ALDH1L1: variants seen among roughly 807,000 people sequenced by gnomAD.
ALDH1L1 encodes the protein aldehyde dehydrogenase 1 family member L1, also known as cytosolic 10-formyltetrahydrofolate dehydrogenase.
A neutral mutation model predicts 101.1 loss-of-function variants in ALDH1L1; 68 were observed. That is an observed-to-expected ratio of 0.67 (90% CI 0.55 to 0.82). The LOEUF is 0.82. Ranked by LOEUF, ALDH1L1 falls within the 40% of genes least tolerant of loss-of-function variation. The probability of loss-of-function intolerance (pLI) is 0.00; values close to 1 mark genes in which losing one functional copy is unlikely to be tolerated. For synonymous variants in ALDH1L1, 486 were observed against 470.8 expected, an observed-to-expected ratio of 1.03 and a Z score of -0.42; for missense variants, 1,087 against 1,172.7, an observed-to-expected ratio of 0.93 and a Z score of 1.07.
At chr3:126,119,357 G>A (rs527907282) in intron 16 of ALDH1L1, among the ~76,000 whole-genome samples, 3 of 152,246 alleles carry the variant, frequency 2.0e-5, no homozygotes, top group South Asian at 2.1e-4. Flanking sequence ...ACTCTTAATC[G>A]TTCACCTAGA....
chr3:126,135,573 C>A lies in ALDH1L1; in HGVS notation c.1434G>T (p.Gly478=). The A allele has an allele frequency of 6.2e-7, 1 of 1,602,990 alleles. No homozygotes were observed. Among genetic ancestry groups the A allele is most frequent in the Non-Finnish European group, 8.5e-7 (1 of 1,175,198 alleles). ...AKDAFENGRW[G]KISARDRGRL... Reference sequence around the variant, plus strand: ...GGCCCCGGTCCCGCGCACTGATCTTCCCCCACCGTCCATTCTCAAAGGCAT... The same window carrying A: ...GGCCCCGGTCCCGCGCACTGATCTTACCCCACCGTCCATTCTCAAAGGCAT... The change falls in exon 12 of 23, where the codon GGG becomes GGT. Residue 478 remains glycine (G), a synonymous_variant. Coordinates refer to ENST00000393434, the MANE Select transcript of ALDH1L1 (RefSeq NM_012190.4).
intron 16 of ALDH1L1, among the ~76,000 whole-genome samples, chr3:126,123,304 C>G (rs2080115346): frequency 6.7e-6 from 1 of 148,942 alleles, no homozygotes; most frequent in African/African-American, 2.5e-5. Context: ...GTTACCCAGG[C>G]TGAAGTGCAG....
chr3:126,126,386 G>T (rs2080184388), intron 14 of ALDH1L1, among the ~76,000 whole-genome samples: 1 of 152,170 alleles, frequency 6.6e-6, no homozygotes, highest in African/African-American at 2.4e-5. Flanking sequence ...CACCACTTTG[G>T]TTGAGCGCTG....
At chr3:126,184,022 C>T (rs186158377), upstream of ALDH1L1, among the ~76,000 whole-genome samples, 278 of 152,298 alleles carry the variant, frequency 1.8e-3, no homozygotes, top group South Asian at 4.4e-3. Flanking sequence ...GCACTTAATT[C>T]CCCTGCCTTT....
chr3:126,134,403 G>A (rs60511507), intron 12 of ALDH1L1, among the ~76,000 whole-genome samples: 6,933 of 152,262 alleles, frequency 0.046, 508 homozygotes, highest in African/African-American at 0.16. Flanking sequence ...CGCACGCAGG[G>A]CCCAGGCCAG....
chr3:126,184,055 C>T (rs1179817694), upstream of ALDH1L1, among the ~76,000 whole-genome samples: 1 of 152,214 alleles, frequency 6.6e-6, no homozygotes, highest in Non-Finnish European at 1.5e-5. Context: ...AACGTAGTGA[C>T]TTCCTTTTAA....
chr3:126,165,471 T>A (rs1279334082), intron 1 of ALDH1L1, among the ~76,000 whole-genome samples: 1 of 152,186 alleles, frequency 6.6e-6, no homozygotes, highest in Non-Finnish European at 1.5e-5. Flanking sequence ...CCTTTTCAAT[T>A]TTTTTGTAAT....
At chr3:126,134,851 G>A (rs4646725) in intron 12 of ALDH1L1, among the ~76,000 whole-genome samples, 65,669 of 151,796 alleles carry the variant, frequency 0.43, 14,608 homozygotes, top group Middle Eastern at 0.5. Context: ...TCATCTGGCC[G>A]CACCCTCTCT....
At chr3:126,184,790 G>A (rs1429241590), upstream of ALDH1L1, among the ~76,000 whole-genome samples, 1 of 152,228 alleles carries the variant, frequency 6.6e-6, no homozygotes, top group African/African-American at 2.4e-5. Flanking sequence ...GGGACTGTGT[G>A]TACGCTGCAA....
intron 1 of ALDH1L1, among the ~76,000 whole-genome samples, chr3:126,172,816 A>G (rs367644799): frequency 4.0e-4 from 60 of 149,222 alleles, no homozygotes; most frequent in African/African-American, 1.4e-3. Flanking sequence ...CAAAAAATAA[A>G]AGACACAGAG....
Position 126,157,478 on chromosome 3 carries a change from C to G in ALDH1L1, c.393G>C (p.Gly131=), listed in dbSNP as rs149253309. ...WTLIHGDKKG[G]FSIFWADDGL... ...CATCATCCGCCCAGAAGATGGAAAA[C>G]CCCCCTTTCTTATCTCCGTGAATGA... The change falls in exon 4 of 23, where the codon GGG becomes GGC. Residue 131 remains glycine, a synonymous_variant. Coordinates refer to ENST00000393434, the MANE Select transcript of ALDH1L1 (RefSeq NM_012190.4). 1.3e-4 allele frequency: 202 copies of G among 1,613,988 alleles called. No homozygotes were observed. In the African/African-American group the frequency reaches 1.7e-3, roughly 14 times the overall value.
chr3:126,169,613 T>A (rs2081235098), intron 1 of ALDH1L1, among the ~76,000 whole-genome samples: 1 of 152,166 alleles, frequency 6.6e-6, no homozygotes, highest in African/African-American at 2.4e-5. Flanking sequence ...CAAGTTATCT[T>A]AAAACCTCAA....
chr3:126,115,564 G>GTTTGT (rs550650669), intron 17 of ALDH1L1: 5,403 of 150,872 alleles, frequency 0.036, 318 homozygotes, highest in African/African-American at 0.12. Flanking sequence ...AGTTTTGTTT[G>GTTTGT]TTTGTTTTGT....
At chr3:126,157,319 G>A (rs780230643) in intron 4 of ALDH1L1, 24 bp downstream of exon 4, 15 of 1,598,716 alleles carry the variant, frequency 9.4e-6, no homozygotes, top group Non-Finnish European at 1.3e-5. Context: ...GGCGGGCAGG[G>A]CGCGGCCGGC....
chr3:126,116,517 C>T (rs1040695742), intron 17 of ALDH1L1, among the ~76,000 whole-genome samples: 1 of 152,186 alleles, frequency 6.6e-6, no homozygotes, highest in Non-Finnish European at 1.5e-5. Context: ...ATTTCCTGAG[C>T]CCTCACCCTG....
chr3:126,157,577 C>T (rs1576470963), intron 3 of ALDH1L1, 69 bp from the exon 4 acceptor site: 3 of 1,534,372 alleles, frequency 2.0e-6, no homozygotes, highest in Non-Finnish European at 2.7e-6. Context: ...GGGTACAGGC[C>T]CGTGGACCTG....
At chr3:126,194,295 T>C (rs1284209018) in intron 1 of ALDH1L1, among the ~76,000 whole-genome samples, 1 of 152,222 alleles carries the variant, frequency 6.6e-6, no homozygotes, top group Admixed American at 6.5e-5. Flanking sequence ...ACATTATTTC[T>C]TTGACAAGGC....
intron 10 of ALDH1L1, among the ~76,000 whole-genome samples, 179 bp downstream of exon 10, chr3:126,137,634 C>T (rs112739468): frequency 6.5e-4 from 99 of 152,274 alleles, no homozygotes; most frequent in African/African-American, 2.4e-3. Context: ...CAAGCTGGCC[C>T]CACTGTACTG....
intron 2 of ALDH1L1, 122 bp downstream of exon 2, chr3:126,160,731 G>T: frequency 7.0e-7 from 1 of 1,436,740 alleles, no homozygotes; most frequent in Non-Finnish European, 9.4e-7. Context: ...ACTTATGGCT[G>T]CCTCCCAGCT....
Sources: allele counts gnomAD v4.1 joint callset (sites outside exome capture counted in the v4.1 genomes callset), GRCh38; gene constraint gnomAD v4.1.1; transcripts MANE v1.5; gene names NCBI Gene and HGNC (gene_info 2026-07-23, HGNC 2026-07-21).